Variants in DPYD observed in about 807,000 individuals in gnomAD.
The protein encoded by DPYD is dihydropyrimidine dehydrogenase [NADP(+)].
In DPYD, 109 loss-of-function variants were observed where a neutral mutation model predicts 116.2. The ratio of observed to expected loss-of-function variants is 0.94; its 90% confidence interval spans 0.80 to 1.10. The LOEUF (loss-of-function observed/expected upper bound fraction) is 1.10, where lower values mean the gene tolerates loss of function less well. Among genes scored for constraint, DPYD ranks in the 50% least tolerant of loss-of-function variants. The pLI, the probability that DPYD is intolerant of heterozygous loss-of-function variation, is 0.00. For missense variants in DPYD, 1,302 were observed against 1,254.5 expected, an observed-to-expected ratio of 1.04 and a Z score of -0.57; for synonymous variants, 440 against 432.0, an observed-to-expected ratio of 1.02 and a Z score of -0.23.
chr1:97,665,695 T>G (rs569516678), intron 8 of DPYD, among the ~76,000 whole-genome samples: 2 of 152,334 alleles, frequency 1.3e-5, no homozygotes, highest in Non-Finnish European at 2.9e-5. Context: ...TTTAATTAAT[T>G]TATCAGTAAT....
At chr1:97,702,650 A>G (rs887559485) in intron 5 of DPYD, among the ~76,000 whole-genome samples, 1 of 152,048 alleles carries the variant, frequency 6.6e-6, no homozygotes, top group Non-Finnish European at 1.5e-5. Context: ...TCATAACCAA[A>G]TGGAATATAA....
intron 18 of DPYD, among the ~76,000 whole-genome samples, chr1:97,260,765 C>A (rs577514396): frequency 1.6e-4 from 25 of 152,124 alleles, no homozygotes; most frequent in African/African-American, 6.0e-4. Context: ...GGTTCCTAAC[C>A]TAAATGGAGT....
chr1:97,082,308 C>G (rs1481473055), intron 22 of DPYD, 22 bp downstream of exon 22: 1 of 1,613,134 alleles, frequency 6.2e-7, no homozygotes. Flanking sequence ...TCATAGCATT[C>G]TAATTCCAGC....
At chr1:97,199,300 C>A (rs924295258) in intron 19 of DPYD, among the ~76,000 whole-genome samples, 1 of 151,886 alleles carries the variant, frequency 6.6e-6, no homozygotes, top group African/African-American at 2.4e-5. Context: ...GGTTTCTATG[C>A]CATATTAAGT....
At chr1:97,417,104 C>T (rs895933742) in intron 14 of DPYD, among the ~76,000 whole-genome samples, 2 of 152,074 alleles carry the variant, frequency 1.3e-5, no homozygotes, top group South Asian at 2.1e-4. Flanking sequence ...ACAAGAGAGG[C>T]CATATAATCT....
intron 13 of DPYD, among the ~76,000 whole-genome samples, chr1:97,500,091 CTT>C (rs1259977472): frequency 2.0e-5 from 3 of 151,852 alleles, no homozygotes; most frequent in Non-Finnish European, 4.4e-5. Context: ...CCATAGGTGA[CTT>C]ATTGAAATGA....
intron 14 of DPYD, among the ~76,000 whole-genome samples, chr1:97,407,047 T>TG (rs1486511584): frequency 6.6e-6 from 1 of 152,210 alleles, no homozygotes; most frequent in African/African-American, 2.4e-5. Flanking sequence ...TTATTATGCA[T>TG]TTATATTCCA....
intron 8 of DPYD, among the ~76,000 whole-genome samples, chr1:97,657,734 C>T (rs1375155431): frequency 2.6e-5 from 4 of 152,078 alleles, no homozygotes; most frequent in Admixed American, 6.6e-5. Flanking sequence ...ATCTTAATAA[C>T]GGTATCAGAA....
chr1:97,738,935 C>A (rs995201323), intron 4 of DPYD, among the ~76,000 whole-genome samples: 10 of 151,794 alleles, frequency 6.6e-5, no homozygotes, highest in Non-Finnish European at 1.5e-4. Flanking sequence ...TTTGTGTAGA[C>A]CTTGAATAAA....
chr1:97,265,708 G>C (rs988945696), intron 18 of DPYD, among the ~76,000 whole-genome samples: 77 of 152,112 alleles, frequency 5.1e-4, no homozygotes, highest in African/African-American at 1.8e-3. Flanking sequence ...TACTGTTTGA[G>C]ATAAATGTGA....
chr1:97,388,025 C>T (rs984581613), intron 14 of DPYD, among the ~76,000 whole-genome samples: 1 of 152,064 alleles, frequency 6.6e-6, no homozygotes, highest in East Asian at 1.9e-4. Flanking sequence ...AGCAAGGAGT[C>T]TGATTATGTT....
intron 3 of DPYD, among the ~76,000 whole-genome samples, chr1:97,750,836 C>A (rs1293894397): frequency 6.6e-6 from 1 of 152,102 alleles, no homozygotes; most frequent in Non-Finnish European, 1.5e-5. Flanking sequence ...GGAGGGCCAA[C>A]TGAGGGACTT....
chr1:97,500,544 T>C (rs1679519945), intron 13 of DPYD, among the ~76,000 whole-genome samples: 1 of 152,058 alleles, frequency 6.6e-6, no homozygotes, highest in Non-Finnish European at 1.5e-5. Context: ...GGATTATCGT[T>C]TTTTATTTTT....
chr1:97,119,900 C>T (rs1196871982), intron 20 of DPYD, among the ~76,000 whole-genome samples: 1 of 152,134 alleles, frequency 6.6e-6, no homozygotes, highest in African/African-American at 2.4e-5. Context: ...AAAACAAAGC[C>T]AGTGCTTCAA....
At chr1:97,307,477 T>A (rs1005772925) in intron 16 of DPYD, among the ~76,000 whole-genome samples, 2 of 151,870 alleles carry the variant, frequency 1.3e-5, no homozygotes, top group African/African-American at 4.8e-5. Context: ...AGGTTTAATG[T>A]GTCTTGATCC....
intron 8 of DPYD, among the ~76,000 whole-genome samples, chr1:97,629,717 T>C (rs1404051933): frequency 6.6e-6 from 1 of 151,932 alleles, no homozygotes; most frequent in African/African-American, 2.4e-5. Context: ...ATGCATAAAA[T>C]GCTAGAAATC....
At chr1:97,235,919 G>C (rs984170080) in intron 18 of DPYD, among the ~76,000 whole-genome samples, 2 of 152,110 alleles carry the variant, frequency 1.3e-5, no homozygotes, top group African/African-American at 2.4e-5. Flanking sequence ...AGTAATTAGA[G>C]TGTATGAATT....
chr1:97,187,318 C>A (rs1658068917), intron 20 of DPYD, among the ~76,000 whole-genome samples: 1 of 151,942 alleles, frequency 6.6e-6, no homozygotes, highest in Admixed American at 6.6e-5. Context: ...ATTTACATTT[C>A]TCTGATGATT....
chr1:97,093,434 C>A (rs1650025162), intron 21 of DPYD, among the ~76,000 whole-genome samples: 1 of 152,168 alleles, frequency 6.6e-6, no homozygotes, highest in South Asian at 2.1e-4. Context: ...GAATAGTCAT[C>A]TTAACGTGGA....
Sources: gnomAD v4.1 joint callset for allele counts (sites outside exome capture counted in the v4.1 genomes callset) on GRCh38, gnomAD v4.1.1 for gene constraint, MANE v1.5 for transcripts, NCBI Gene and HGNC (gene_info 2026-07-23, HGNC 2026-07-21) for gene names.